PABPC4L: variants seen among roughly 807,000 people sequenced by gnomAD.
PABPC4L encodes the protein poly(A) binding protein cytoplasmic 4 like.
For synonymous variants in PABPC4L, 169 were observed against 164.1 expected, an observed-to-expected ratio of 1.03 and a Z score of -0.23; for missense variants, 452 against 451.4, an observed-to-expected ratio of 1.00 and a Z score of -0.01.
At chr4:134,061,956 G>A in the PABPC4L span, among the ~76,000 whole-genome samples, 1 of 151,722 alleles carries the variant, frequency 6.6e-6, no homozygotes, top group Non-Finnish European at 1.5e-5. Flanking sequence ...AACCCTCATA[G>A]GATGACAGTT....
At chr4:134,116,707 A>G in the PABPC4L span, among the ~76,000 whole-genome samples, 66 of 151,916 alleles carry the variant, frequency 4.3e-4, no homozygotes, top group African/African-American at 1.5e-3. Flanking sequence ...ATTAAATATA[A>G]TAACAATATT....
At chr4:134,000,487 C>A in the PABPC4L span, among the ~76,000 whole-genome samples, 6 of 152,228 alleles carry the variant, frequency 3.9e-5, no homozygotes, top group South Asian at 6.2e-4. Context: ...AAAAGTTAGA[C>A]TTAATCTAAC....
At chr4:134,000,740 A>C in the PABPC4L span, among the ~76,000 whole-genome samples, 2 of 152,108 alleles carry the variant, frequency 1.3e-5, no homozygotes, top group Non-Finnish European at 2.9e-5. Context: ...AAAGTGGAGA[A>C]AGGGAGGACT....
chr4:133,960,059 G>C, the PABPC4L span, among the ~76,000 whole-genome samples: 37 of 152,264 alleles, frequency 2.4e-4, no homozygotes, highest in African/African-American at 8.4e-4. Context: ...TCATCATTGA[G>C]GACGGGAGGC....
At chr4:134,048,372 T>C in the PABPC4L span, among the ~76,000 whole-genome samples, 1 of 152,128 alleles carries the variant, frequency 6.6e-6, no homozygotes, top group Non-Finnish European at 1.5e-5. Context: ...TGCAGTAATA[T>C]ACCCAGATGT....
the PABPC4L span, among the ~76,000 whole-genome samples, chr4:134,116,567 A>G: frequency 6.6e-6 from 1 of 151,852 alleles, no homozygotes; most frequent in Admixed American, 6.6e-5. Flanking sequence ...ATGTGGACCT[A>G]TCTATCTTAG....
At chr4:134,054,264 A>G in the PABPC4L span, among the ~76,000 whole-genome samples, 561 of 133,430 alleles carry the variant, frequency 4.2e-3, 25 homozygotes, top group East Asian at 0.09. Context: ...ATATATATAT[A>G]TATATATATA....
the PABPC4L span, among the ~76,000 whole-genome samples, chr4:133,961,178 C>T: frequency 6.6e-6 from 1 of 152,112 alleles, no homozygotes; most frequent in Non-Finnish European, 1.5e-5. Flanking sequence ...CTGCCATCGC[C>T]ACCAGAACAG....
At chr4:134,094,274 C>A in the PABPC4L span, among the ~76,000 whole-genome samples, 1 of 151,874 alleles carries the variant, frequency 6.6e-6, no homozygotes, top group Non-Finnish European at 1.5e-5. Flanking sequence ...ACCAAGATAG[C>A]CATTCACTTA....
chr4:134,127,283 T>G, the PABPC4L span, among the ~76,000 whole-genome samples: 426 of 152,070 alleles, frequency 2.8e-3, 1 homozygote, highest in Middle Eastern at 0.01. Flanking sequence ...GCTTGTATCT[T>G]CCCTATACAA....
chr4:134,029,421 G>A, the PABPC4L span, among the ~76,000 whole-genome samples: 1 of 152,078 alleles, frequency 6.6e-6, no homozygotes, highest in African/African-American at 2.4e-5. Context: ...TTTAGGGTGA[G>A]CTAAGTAGGA....
At chr4:134,141,789 A>C in the PABPC4L span, among the ~76,000 whole-genome samples, 1 of 151,802 alleles carries the variant, frequency 6.6e-6, no homozygotes, top group Non-Finnish European at 1.5e-5. Flanking sequence ...AATCACATAG[A>C]GGCCATGTCA....
the PABPC4L span, among the ~76,000 whole-genome samples, chr4:134,072,311 C>G: frequency 6.6e-6 from 1 of 152,112 alleles, no homozygotes; most frequent in African/African-American, 2.4e-5. Context: ...GTGAGTCTGT[C>G]AACAATGAGT....
the PABPC4L span, among the ~76,000 whole-genome samples, chr4:134,042,626 A>C: frequency 1.3e-5 from 2 of 152,160 alleles, no homozygotes; most frequent in African/African-American, 4.8e-5. Context: ...TTTTGCCATA[A>C]CAACAAACTT....
At chr4:134,195,431 T>G (rs1253582028), downstream of PABPC4L, among the ~76,000 whole-genome samples, 1 of 151,632 alleles carries the variant, frequency 6.6e-6, no homozygotes, top group South Asian at 2.1e-4. Context: ...ATGACTGATA[T>G]TCACTGAATG....
the PABPC4L span, among the ~76,000 whole-genome samples, chr4:134,032,050 C>G: frequency 6.6e-6 from 1 of 151,600 alleles, no homozygotes; most frequent in Admixed American, 6.6e-5. Flanking sequence ...TGGATCTCTA[C>G]TGAAAGTGTG....
chr4:134,112,747 G>A, the PABPC4L span, among the ~76,000 whole-genome samples: 1 of 151,756 alleles, frequency 6.6e-6, no homozygotes, highest in Non-Finnish European at 1.5e-5. Flanking sequence ...ATATTTGTAG[G>A]TGATTTTACT....
the PABPC4L span, among the ~76,000 whole-genome samples, chr4:134,094,206 A>G: frequency 3.7e-4 from 56 of 151,698 alleles, no homozygotes; most frequent in Admixed American, 3.2e-3. Flanking sequence ...TTGTTTCTCT[A>G]TTTTTTCATA....
At chr4:134,013,458 G>A in the PABPC4L span, among the ~76,000 whole-genome samples, 1 of 151,778 alleles carries the variant, frequency 6.6e-6, no homozygotes, top group Non-Finnish European at 1.5e-5. Context: ...CTTAGCCTGT[G>A]TTCTTAAGAA....
Sources: allele counts gnomAD v4.1 joint callset (sites outside exome capture counted in the v4.1 genomes callset), GRCh38; gene constraint gnomAD v4.1.1; transcripts MANE v1.5; gene names NCBI Gene and HGNC (gene_info 2026-07-23, HGNC 2026-07-21).